Variants in PCDHGA3 observed in about 807,000 individuals in gnomAD.
PCDHGA3 encodes protocadherin gamma subfamily A, 3.
In PCDHGA3, 40 loss-of-function variants were observed where a neutral mutation model predicts 58.5. The ratio of observed to expected loss-of-function variants is 0.68; its 90% CI spans 0.53 to 0.89. The LOEUF (loss-of-function observed/expected upper bound fraction) is 0.89, where lower values mean the gene tolerates loss of function less well. Among genes scored for constraint, PCDHGA3 ranks in the 40% least tolerant of loss-of-function variants. The pLI is 0.00. For missense variants in PCDHGA3, 1,223 were observed against 1,195.9 expected (o/e 1.02, Z -0.33); for synonymous variants, 530 against 525.7 (o/e 1.01, Z -0.11).
At chr5:141,380,084 G>C (rs1452303755) in intron 1 of PCDHGA3, among the ~76,000 whole-genome samples, 1 of 151,830 alleles carries the variant, frequency 6.6e-6, no homozygotes, top group Non-Finnish European at 1.5e-5. Flanking sequence ...ACTTTTAGTA[G>C]AGATGGGGTT....
At chr5:141,502,724 C>T (rs1288841230) in intron 2 of PCDHGA3, among the ~76,000 whole-genome samples, 2 of 152,134 alleles carry the variant, frequency 1.3e-5, no homozygotes, top group African/African-American at 4.8e-5. Context: ...GATTACAAAG[C>T]GGTGATGTTC....
chr5:141,423,605 T>G lies in PCDHGA3; in HGVS notation c.2425-71202T>G. The G allele has an allele frequency of 1.6e-5, 26 of 1,612,620 alleles. No individual in the cohort carries two copies. Among genetic ancestry groups the G allele is most frequent in the Non-Finnish European group, 2.0e-5 (24 of 1,179,120 alleles). On this transcript the variant is annotated intron_variant, in intron 1 of 3. Transcript: ENST00000253812. Reference sequence around the variant, plus strand: ...AGCTGTGAGAAAAGCGAGCCACTCTTGATAGCTGAAGACTCAGCTATCATT... The same window carrying G: ...AGCTGTGAGAAAAGCGAGCCACTCTGGATAGCTGAAGACTCAGCTATCATT...
chr5:141,422,188 C>T, intron 1 of PCDHGA3: 1 of 1,561,742 alleles, frequency 6.4e-7, no homozygotes. Context: ...GATGGAAATT[C>T]AAGGCCAAGA....
At chr5:141,405,334 T>C in intron 1 of PCDHGA3, 1 of 1,614,196 alleles carries the variant, frequency 6.2e-7, no homozygotes. Flanking sequence ...TGTGCGTCTC[T>C]GTTGATTCCA....
chr5:141,417,226 T>A (rs966071761), intron 1 of PCDHGA3: 4 of 152,134 alleles, frequency 2.6e-5, no homozygotes, highest in Admixed American at 1.3e-4. Flanking sequence ...GACAAAAAAA[T>A]TTGTTGCTTA....
intron 1 of PCDHGA3, chr5:141,374,638 A>C (rs931155259): frequency 4.3e-6 from 7 of 1,612,946 alleles, no homozygotes; most frequent in Admixed American, 1.7e-5. Context: ...TGCAAAGCGA[A>C]GCCCATGGGC....
At position 141,512,967 on chromosome 5, in the gene PCDHGA3, T is replaced by C. The variant is rs2099884538; in HGVS notation, c.*1794T>C. ...CGACAAAAAAATAATAAAACGTTTC[T>C]TCTGAAAAGCTGAACGTTTCTGTAT... On this transcript the variant is annotated 3_prime_UTR_variant, in exon 4 of 4. Transcript: ENST00000253812. The C allele has an allele frequency of 6.6e-6, 1 of 152,260 alleles. No individual in the cohort carries two copies. Among genetic ancestry groups the C allele is most frequent in the South Asian group, 2.1e-4 (1 of 4,832 alleles). The allele number at this position is 152,260 out of a possible 1,614,324, so 9.4% of individuals were successfully genotyped here.
chr5:141,503,181 A>C (rs532503504), intron 2 of PCDHGA3, among the ~76,000 whole-genome samples: 54 of 152,060 alleles, frequency 3.6e-4, no homozygotes, highest in African/African-American at 1.3e-3. Context: ...TCTATTGTGT[A>C]ATTATTTAAA....
At chr5:141,400,237 A>AT in intron 1 of PCDHGA3, 3 of 1,613,870 alleles carry the variant, frequency 1.9e-6, no homozygotes, top group Non-Finnish European at 2.5e-6. Flanking sequence ...CCTGGCCGTG[A>AT]TTCTGGCCGT....
chr5:141,421,491 A>G (rs934861223), intron 1 of PCDHGA3: 8 of 1,614,102 alleles, frequency 5.0e-6, no homozygotes, highest in Non-Finnish European at 6.8e-6. Context: ...TGATCACGGC[A>G]GGCAGGATAG....
chr5:141,395,123 TC>T, intron 1 of PCDHGA3: 1 of 1,614,148 alleles, frequency 6.2e-7, no homozygotes, highest in Non-Finnish European at 8.5e-7. Flanking sequence ...ACCTGATCTT[TC>T]CCCAGCCCAA....
chr5:141,488,054 A>G (rs1255295788), intron 1 of PCDHGA3, among the ~76,000 whole-genome samples: 1 of 152,206 alleles, frequency 6.6e-6, no homozygotes, highest in Admixed American at 6.5e-5. Flanking sequence ...TTGAGGGGAA[A>G]TAAAATCTTT....
chr5:141,371,939 C>G (rs1561553418), intron 1 of PCDHGA3: 6 of 1,613,300 alleles, frequency 3.7e-6, no homozygotes, highest in Non-Finnish European at 5.1e-6. Context: ...GGGTGGTGTT[C>G]GCGCAGCGAG....
chr5:141,427,978 T>C (rs750753961), intron 1 of PCDHGA3: 1 of 1,595,484 alleles, frequency 6.3e-7, no homozygotes, highest in African/African-American at 1.3e-5. Flanking sequence ...TACCCCGCGC[T>C]GGGGCCCGAT....
intron 1 of PCDHGA3, chr5:141,403,779 A>G: frequency 6.2e-7 from 1 of 1,613,970 alleles, no homozygotes; most frequent in Non-Finnish European, 8.5e-7. Context: ...ATCAACGGAA[A>G]AGTGGCATAC....
rs769078532 is a variant in PCDHGA3 at position 141,351,045 on chromosome 5, T to C, written c.2424+4588T>C. ...TGGGGAACCTCCGTGCTGCGGGTGA[T>C]GGCCACAGACCAGGATGAGGGCATT... is the stretch of plus-strand genomic sequence containing the variant. On this transcript the variant is annotated intron_variant, in intron 1 of 3. Coordinates refer to ENST00000253812, the MANE Select transcript of PCDHGA3 (RefSeq NM_018916.4). 5.6e-6 allele frequency: 9 copies of C among 1,613,972 alleles called. No homozygotes were observed. The Middle Eastern group carries it at 6.6e-4, about 118-fold the overall frequency.
intron 1 of PCDHGA3, chr5:141,352,794 A>G (rs1759109837): frequency 1.0e-6 from 1 of 956,230 alleles, no homozygotes; most frequent in Non-Finnish European, 1.5e-6. Flanking sequence ...GTTTGAGACC[A>G]GCATAGCCAA....
chr5:141,371,271 A>C (rs1251715871), intron 1 of PCDHGA3: 2 of 1,613,938 alleles, frequency 1.2e-6, no homozygotes, highest in Non-Finnish European at 1.7e-6. Flanking sequence ...ACAACTGTTC[A>C]AGCTGGACAG....
At chr5:141,375,572 CA>C in intron 1 of PCDHGA3, 2 of 1,614,102 alleles carry the variant, frequency 1.2e-6, no homozygotes, top group Non-Finnish European at 1.7e-6. Flanking sequence ...AGACACCCTC[CA>C]GGGGGCGCCC....
Sources: gnomAD v4.1 joint callset for allele counts (sites outside exome capture counted in the v4.1 genomes callset) on GRCh38, gnomAD v4.1.1 for gene constraint, MANE v1.5 for transcripts, NCBI Gene and HGNC (gene_info 2026-07-23, HGNC 2026-07-21) for gene names.